Variants in SCN2A observed in about 807,000 individuals in gnomAD.
The protein encoded by SCN2A is sodium channel protein type 2 subunit alpha.
A neutral mutation model predicts 188.7 loss-of-function variants in SCN2A; 20 were observed. The observed-to-expected ratio is 0.11, with a 90% CI of 0.07 to 0.15. SCN2A has a LOEUF of 0.15. Ranked by LOEUF, SCN2A falls within the 10% of genes least tolerant of loss-of-function variation. The pLI is 1.00. For missense variants in SCN2A, 1,278 were observed against 2,445.0 expected, an observed-to-expected ratio of 0.52 and a Z score of 10.07; for synonymous variants, 804 against 833.1, an observed-to-expected ratio of 0.97 and a Z score of 0.60.
chr2:165,327,645 A>C (rs901319320), intron 13 of SCN2A: 1 of 153,144 alleles, frequency 6.5e-6, no homozygotes, highest in East Asian at 1.9e-4. Flanking sequence ...TTTGAATTTC[A>C]GTCTCCTCAT....
chr2:165,389,955 C>A lies in SCN2A; in HGVS notation c.*131C>A. On this transcript the variant is annotated 3_prime_UTR_variant, in exon 27 of 27. Coordinates refer to ENST00000375437, the MANE Select transcript of SCN2A (RefSeq NM_001040142.2). This position sits in a 1 kb window ranked among gnomAD's most constrained non-coding sequence, Gnocchi z 4.2. ...GTTTTTACAAATGTATACTTAAGGT[C>A]AGTGCCTATAACAAGACAGAGACCT... The A allele has an allele frequency of 6.9e-7, 1 of 1,439,492 alleles. No individual in the cohort carries two copies. The highest frequency in any genetic ancestry group is 1.4e-5 in the South Asian group (1 of 72,510). 89.2% of individuals were successfully genotyped at this position (1,439,492 alleles called of 1,614,324 possible).
chr2:165,365,073 A>G (rs1700652658), intron 17 of SCN2A, 70 bp from the exon 18 acceptor site: 1 of 1,385,808 alleles, frequency 7.2e-7, no homozygotes, highest in Admixed American at 1.9e-5. Flanking sequence ...GGGGGGGCAC[A>G]CCTAATTAAT....
At chr2:165,298,619 G>A (rs3769926) in intron 3 of SCN2A, among the ~76,000 whole-genome samples, 35,731 of 151,964 alleles carry the variant, frequency 0.24, 4,495 homozygotes, top group East Asian at 0.36. Context: ...TAGCATGTGG[G>A]GAAAAAGATG....
At chr2:165,307,656 TG>T (rs1697209227) in intron 3 of SCN2A, among the ~76,000 whole-genome samples, 191 bp from the exon 4 acceptor site, 1 of 152,072 alleles carries the variant, frequency 6.6e-6, no homozygotes, top group South Asian at 2.1e-4. Context: ...GTTGATGGCT[TG>T]GCCTGAAGAC....
At chr2:165,383,406 G>A (rs1354629328) in intron 25 of SCN2A, among the ~76,000 whole-genome samples, 2 of 152,142 alleles carry the variant, frequency 1.3e-5, no homozygotes, top group African/African-American at 4.8e-5. Flanking sequence ...GGGCTGGTGA[G>A]ACTGGAGTGC....
At chr2:165,266,102 A>C (rs1694848819) in intron 1 of SCN2A, among the ~76,000 whole-genome samples, 1 of 152,072 alleles carries the variant, frequency 6.6e-6, no homozygotes, top group Non-Finnish European at 1.5e-5. Flanking sequence ...GTAGAAGAAA[A>C]TCTATGATGG....
At chr2:165,312,323 A>G (rs562695890) in intron 8 of SCN2A, among the ~76,000 whole-genome samples, 22 of 152,286 alleles carry the variant, frequency 1.4e-4, no homozygotes, top group Admixed American at 1.3e-3. Context: ...AATTAGTTCA[A>G]TGTAAAATAG....
At chr2:165,386,048 A>T (rs541900946) in intron 25 of SCN2A, among the ~76,000 whole-genome samples, 1 of 152,216 alleles carries the variant, frequency 6.6e-6, no homozygotes, top group African/African-American at 2.4e-5. Flanking sequence ...TATACAATAT[A>T]CAAAATTTTC....
At chr2:165,322,353 A>G (rs1359914200) in intron 11 of SCN2A, among the ~76,000 whole-genome samples, 1 of 152,196 alleles carries the variant, frequency 6.6e-6, no homozygotes, top group East Asian at 1.9e-4. Context: ...TGCTGCATCC[A>G]GGAGTTGAAA....
At chr2:165,252,126 AAG>A (rs1275860442) in intron 1 of SCN2A, among the ~76,000 whole-genome samples, 1 of 151,994 alleles carries the variant, frequency 6.6e-6, no homozygotes, top group Non-Finnish European at 1.5e-5. Context: ...GACAAGATCT[AAG>A]TACGAAAAAA....
At chr2:165,272,457 C>G (rs1695144869) in intron 1 of SCN2A, 1 of 151,880 alleles carries the variant, frequency 6.6e-6, no homozygotes, top group South Asian at 2.1e-4. Context: ...AACAAGAAGA[C>G]AAAAAATCAA....
chr2:165,250,186 A>G (rs1393625824), intron 1 of SCN2A, among the ~76,000 whole-genome samples: 4 of 151,984 alleles, frequency 2.6e-5, no homozygotes, highest in Non-Finnish European at 5.9e-5. Flanking sequence ...CAGTATCTAC[A>G]TATACTGCCC....
chr2:165,355,808 C>A (rs998398021), intron 17 of SCN2A, among the ~76,000 whole-genome samples: 3 of 151,928 alleles, frequency 2.0e-5, no homozygotes, highest in Admixed American at 2.0e-4. Flanking sequence ...ACCAGCGTGG[C>A]CAACATGGTG....
At chr2:165,273,684 G>A (rs1167722460) in intron 1 of SCN2A, 6 of 152,154 alleles carry the variant, frequency 3.9e-5, no homozygotes, top group African/African-American at 9.6e-5. Flanking sequence ...TTCAAAAAAT[G>A]TATGAGTCAT....
intron 1 of SCN2A, among the ~76,000 whole-genome samples, chr2:165,254,411 G>A (rs968325586): frequency 2.0e-5 from 3 of 151,220 alleles, no homozygotes; most frequent in South Asian, 2.1e-4. Flanking sequence ...GTGTTCTTTC[G>A]GAAAAGTTTA....
chr2:165,246,648 C>T (rs1245968722), intron 1 of SCN2A, among the ~76,000 whole-genome samples: 1 of 152,134 alleles, frequency 6.6e-6, no homozygotes, highest in Non-Finnish European at 1.5e-5. Context: ...ACCTCACAAA[C>T]TCCTCCGCTC....
Position 165,310,516 on chromosome 2 carries a change from C to T in SCN2A, c.891C>T (p.Asn297=). The change falls in exon 7 of 27, where the codon AAC becomes AAT. Residue 297 remains asparagine, a synonymous_variant. Transcript: ENST00000375437. ...SFEINITSFF[N]NSLDGNGTTF... ...AAATAAATATCACTTCCTTCTTTAA[C>T]AATTCATTGGATGGGAATGGTACTA... 1 of 1,613,118 alleles carries T rather than the reference C, an allele frequency of 6.2e-7. No individual in the cohort carries two copies. Among genetic ancestry groups the T allele is most frequent in the East Asian group, 2.2e-5 (1 of 44,872 alleles).
chr2:165,364,970 CTAA>C (rs1338080480), intron 17 of SCN2A, among the ~76,000 whole-genome samples, 170 bp from the exon 18 acceptor site: 1 of 151,860 alleles, frequency 6.6e-6, no homozygotes, highest in Non-Finnish European at 1.5e-5. Flanking sequence ...GGTGTTGTAT[CTAA>C]TCTTGTGACC....
chr2:165,369,538 C>T lies in SCN2A; in HGVS notation c.3676-588C>T, dbSNP rs117281359. Among the ~76,000 whole-genome samples, 590 of 152,248 alleles carry T rather than the reference C, an allele frequency of 3.9e-3. 6 individuals carry two copies. The East Asian group carries it at 0.049, about 13-fold the overall frequency. On this transcript the variant is annotated intron_variant, in intron 19 of 26. Coordinates refer to ENST00000375437, the MANE Select transcript of SCN2A (RefSeq NM_001040142.2). ...CTGATAATTTTTCCGATAAGAAGAT[C>T]AAGTTAGATAAATAGTCTTTTCATT... is the stretch of plus-strand genomic sequence containing the variant.
Sources: allele counts gnomAD v4.1 joint callset (sites outside exome capture counted in the v4.1 genomes callset), GRCh38; gene constraint gnomAD v4.1.1; non-coding constraint Gnocchi (gnomAD v3.1); transcripts MANE v1.5; gene names NCBI Gene and HGNC (gene_info 2026-07-23, HGNC 2026-07-21).